BRWD1: variants seen among roughly 807,000 people sequenced by gnomAD.
The protein encoded by BRWD1 is bromodomain and WD repeat domain containing 1.
A neutral mutation model predicts 251.2 loss-of-function variants in BRWD1; 82 were observed. That is an observed-to-expected ratio of 0.33 (90% CI 0.27 to 0.39). The LOEUF (loss-of-function observed/expected upper bound fraction) is 0.39. Among genes scored for constraint, BRWD1 ranks in the 10% least tolerant of loss-of-function variants. The probability of loss-of-function intolerance (pLI) is 1.00; values close to 1 mark genes in which losing one functional copy is unlikely to be tolerated. For missense variants in BRWD1, 2,233 were observed against 2,711.6 expected, an observed-to-expected ratio of 0.82 and a Z score of 3.92; for synonymous variants, 918 against 902.8, an observed-to-expected ratio of 1.02 and a Z score of -0.30.
intron 13 of BRWD1, 60 bp downstream of exon 13, chr21:39,274,304 CGAGAGAGAGA>C: frequency 5.0e-6 from 5 of 991,682 alleles, no homozygotes; most frequent in East Asian, 2.5e-5. Flanking sequence ...ACACAGAGAG[CGAGAGAGAGA>C]GAGAGAGAGA....
At position 39,188,017 on chromosome 21, in the gene BRWD1, G is replaced by A. The variant is rs891471166; in HGVS notation, c.*8242C>T. ...TGCAGACTAAGGCAGTTTTTAGAGG[G>A]GGCTTGAAATCACACTGGAGCTCTA... On this transcript the variant is annotated 3_prime_UTR_variant, in exon 41 of 41. Coordinates refer to ENST00000342449, the MANE Select transcript of BRWD1 (RefSeq NM_033656.4). 2.0e-6 allele frequency: 2 copies of A among 978,936 alleles called. No individual in the cohort carries two copies. Among genetic ancestry groups the A allele is most frequent in the African/African-American group, 3.6e-5 (2 of 55,000 alleles). 60.6% of individuals were successfully genotyped at this position (978,936 alleles called of 1,614,324 possible).
chr21:39,300,346 C>T (rs757513276), intron 4 of BRWD1, among the ~76,000 whole-genome samples: 1 of 152,050 alleles, frequency 6.6e-6, no homozygotes, highest in Non-Finnish European at 1.5e-5. Context: ...CAAGGCAGAG[C>T]GAACTCTGTA....
chr21:39,229,393 C>T lies in BRWD1; in HGVS notation c.3044G>A (p.Gly1015Glu), dbSNP rs1157630000. ...TTTTAGGCAACAGAGTGTAGGGGGCCCAACTTCATATCGTATTCCAACTAT... is the reference window on the plus strand; with the variant it reads ...TTTTAGGCAACAGAGTGTAGGGGGCTCAACTTCATATCGTATTCCAACTAT... ...VKIVGIRYEV[G>E]PPTLCCLKLA... is the part of the protein sequence containing the mutation. The change falls in exon 26 of 41, where the codon GGG becomes GAG. Residue 1015 changes from glycine (G) to glutamate (E), a missense_variant. Physicochemically the swap from Gly to Glu is moderately conservative, Grantham distance 98. Around this residue, in one of 12 missense-constraint regions of BRWD1, gnomAD observed 139 missense variants for 272.8 expected, o/e 0.51. Coordinates refer to ENST00000342449, the MANE Select transcript of BRWD1 (RefSeq NM_033656.4). The T allele has an allele frequency of 6.2e-7, 1 of 1,610,284 alleles. No individual in the cohort carries two copies. Among genetic ancestry groups the T allele is most frequent in the African/African-American group, 1.3e-5 (1 of 74,772 alleles).
Position 39,193,918 on chromosome 21 carries a change from C to T in BRWD1, c.*2341G>A. 1 of 985,400 alleles carries T rather than the reference C, an allele frequency of 1.0e-6. No individual in the cohort carries two copies. The highest frequency in any genetic ancestry group is 4.7e-5 in the South Asian group (1 of 21,274). The allele number at this position is 985,400 out of a possible 1,614,324, so 61.0% of individuals were successfully genotyped here. On this transcript the variant is annotated 3_prime_UTR_variant, in exon 41 of 41. Transcript: ENST00000342449. ...TTCAAAGTTAACCTTAGGAATAGCA[C>T]CATAACCAAAAAAACCCATAAAAAT...
intron 8 of BRWD1, 150 bp downstream of exon 8, chr21:39,293,661 T>C (rs1218840759): frequency 1.2e-5 from 8 of 652,000 alleles, no homozygotes; most frequent in African/African-American, 9.1e-5. Flanking sequence ...CAGCCTTCCA[T>C]GATTTGTATG....
intron 15 of BRWD1, among the ~76,000 whole-genome samples, chr21:39,268,677 G>A (rs1042828561): frequency 2.0e-5 from 3 of 152,014 alleles, no homozygotes; most frequent in African/African-American, 7.2e-5. Context: ...AGGCTGAGAG[G>A]GGCTGGTGAC....
intron 32 of BRWD1, among the ~76,000 whole-genome samples, chr21:39,213,917 T>A (rs906745986): frequency 5.3e-5 from 8 of 150,018 alleles, no homozygotes; most frequent in African/African-American, 1.9e-4. Flanking sequence ...AAAAAAAATA[T>A]ATATATATAC....
intron 31 of BRWD1, chr21:39,216,651 T>C: frequency 2.7e-6 from 1 of 370,942 alleles, no homozygotes; most frequent in Non-Finnish European, 5.2e-6. Flanking sequence ...CAGAATCTAC[T>C]CAGAACAGTT....
chr21:39,215,518 T>C (rs1369819203), intron 31 of BRWD1, among the ~76,000 whole-genome samples, 156 bp from the exon 32 acceptor site: 1 of 152,184 alleles, frequency 6.6e-6, no homozygotes, highest in African/African-American at 2.4e-5. Flanking sequence ...AACTTGATCA[T>C]AGTCATAGGC....
upstream of BRWD1, chr21:39,313,641 G>GCCTCCGCGGGGGGGGAAGTAGTC: frequency 2.0e-6 from 1 of 494,360 alleles, no homozygotes; most frequent in Non-Finnish European, 3.1e-6. Flanking sequence ...CTGGACCGAC[G>GCCTCCGCGGGGGGGGAAGTAGTC]CCTCCGCGGG....
chr21:39,250,172 T>C (rs572310087), intron 20 of BRWD1, among the ~76,000 whole-genome samples: 3 of 152,168 alleles, frequency 2.0e-5, no homozygotes, highest in South Asian at 2.1e-4. Context: ...AAACTACAGA[T>C]AGAACAGTAA....
At chr21:39,270,205 A>G (rs1339603497) in intron 14 of BRWD1, 78 bp downstream of exon 14, 21 of 1,353,202 alleles carry the variant, frequency 1.6e-5, no homozygotes, top group South Asian at 5.0e-5. Flanking sequence ...CTTGTTCAAT[A>G]TATTATTTTT....
chr21:39,272,350 C>A (rs2035143319), intron 13 of BRWD1, among the ~76,000 whole-genome samples: 1 of 147,446 alleles, frequency 6.8e-6, no homozygotes, highest in African/African-American at 2.5e-5. Flanking sequence ...CATGGTGAAA[C>A]CCCGTCTCTA....
At chr21:39,248,527 A>G (rs1230578268) in intron 20 of BRWD1, among the ~76,000 whole-genome samples, 1 of 151,856 alleles carries the variant, frequency 6.6e-6, no homozygotes, top group Non-Finnish European at 1.5e-5. Flanking sequence ...AGTCCCAGCT[A>G]CTAGGGAGGC....
chr21:39,192,928 T>C lies in BRWD1; in HGVS notation c.*3331A>G, dbSNP rs533185279. The C allele has an allele frequency of 9.5e-6, 9 of 944,018 alleles. No individual in the cohort carries two copies. In the African/African-American group the frequency reaches 2.0e-4, roughly 21 times the overall value. 58.5% of individuals were successfully genotyped at this position (944,018 alleles called of 1,614,324 possible). A position where few individuals can be genotyped will look rare whatever the true frequency, so the allele number is the denominator to read the frequency against. ...TTAGTAAATTGTTTTCTGATTCTTC[T>C]ACAAAAAAAAAAGTCTAGAAGACAG... On this transcript the variant is annotated 3_prime_UTR_variant, in exon 41 of 41. Transcript: ENST00000342449.
chr21:39,262,896 A>C (rs1231744374), intron 17 of BRWD1, among the ~76,000 whole-genome samples: 5 of 152,072 alleles, frequency 3.3e-5, no homozygotes, highest in African/African-American at 1.2e-4. Flanking sequence ...CTTATTATTT[A>C]ACATCTGTCA....
chr21:39,184,556 G>C (rs912859365), downstream of BRWD1: 1 of 152,216 alleles, frequency 6.6e-6, no homozygotes, highest in African/African-American at 2.4e-5. Context: ...AGTCACGAAG[G>C]TAAGTACTAC....
At chr21:39,273,904 C>T (rs1366509470) in intron 13 of BRWD1, among the ~76,000 whole-genome samples, 2 of 152,130 alleles carry the variant, frequency 1.3e-5, no homozygotes, top group Non-Finnish European at 2.9e-5. Flanking sequence ...TAGAGAGTCT[C>T]GCTCTGTCAC....
intron 19 of BRWD1, among the ~76,000 whole-genome samples, chr21:39,251,586 G>A (rs977567002): frequency 2.6e-5 from 4 of 152,144 alleles, no homozygotes; most frequent in African/African-American, 7.2e-5. Context: ...AGTAAATGCT[G>A]TAAGGATAAA....
Sources: allele counts gnomAD v4.1 joint callset (sites outside exome capture counted in the v4.1 genomes callset), GRCh38; gene constraint gnomAD v4.1.1; regional missense constraint gnomAD v4.1.1; transcripts MANE v1.5; gene names NCBI Gene and HGNC (gene_info 2026-07-23, HGNC 2026-07-21).